TTF2: variants seen among roughly 807,000 people sequenced by gnomAD.
TTF2 encodes transcription termination factor 2.
Under a neutral mutation model 142.4 loss-of-function variants are expected in TTF2, and 108 were observed. The ratio of observed to expected loss-of-function variants is 0.76; its 90% CI spans 0.65 to 0.89. TTF2 has a LOEUF of 0.89. Among genes scored for constraint, TTF2 ranks in the 40% least tolerant of loss-of-function variants. The pLI is 0.00. For missense variants in TTF2, 1,327 were observed against 1,379.8 expected, an observed-to-expected ratio of 0.96 and a Z score of 0.61; for synonymous variants, 483 against 506.2, an observed-to-expected ratio of 0.95 and a Z score of 0.61.
chr1:117,069,299 G>A lies in TTF2; in HGVS notation c.219-4362G>A, dbSNP rs151283325. Among the ~76,000 whole-genome samples, 543 of 152,270 alleles carry A rather than the reference G, an allele frequency of 3.6e-3. 3 individuals carry two copies. Among genetic ancestry groups the A allele is most frequent in the African/African-American group, 0.013 (525 of 41,550 alleles). The stretch of plus-strand genomic sequence containing the variant: ...TGCAGTCTCCTCTGCACATTAGAGC[G>A]CTAAATTGAAGACGTTCAGATGCGA... On this transcript the variant is annotated intron_variant, in intron 3 of 22. Coordinates refer to ENST00000369466, the MANE Select transcript of TTF2 (RefSeq NM_003594.4).
intron 12 of TTF2, among the ~76,000 whole-genome samples, chr1:117,088,493 C>T (rs1190216438): frequency 6.6e-6 from 1 of 151,904 alleles, no homozygotes; most frequent in Non-Finnish European, 1.5e-5. Context: ...GCCGAGATCT[C>T]GCCACTGCAC....
Position 117,105,361 on chromosome 1 carries a change from A to G in TTF2, c.*3837A>G, listed in dbSNP as rs1649863938. On this transcript the variant is annotated 3_prime_UTR_variant, in exon 23 of 23. Transcript: ENST00000369466. The surrounding 1 kb of genome is among the most constrained non-coding windows in gnomAD (Gnocchi z 4.7). ...ACTTTGCCTTAGCCATGTTGATCAA[A>G]TAGGAGTATTGTGCATGCCGCAGCT... The G allele has an allele frequency of 6.6e-6, 1 of 152,222 alleles. No individual in the cohort carries two copies. Among genetic ancestry groups the G allele is most frequent in the Non-Finnish European group, 1.5e-5 (1 of 68,054 alleles). The allele number at this position is 152,222 out of a possible 1,614,324, so 9.4% of individuals were successfully genotyped here.
chr1:117,086,548 G>C lies in TTF2; in HGVS notation c.2160+26G>C. 1.3e-6 allele frequency: 2 copies of C among 1,570,432 alleles called. No homozygotes were observed. Among genetic ancestry groups the C allele is most frequent in the Non-Finnish European group, 1.8e-6 (2 of 1,142,146 alleles). On this transcript the variant is annotated intron_variant, in intron 12 of 22. Coordinates refer to ENST00000369466, the MANE Select transcript of TTF2 (RefSeq NM_003594.4). This position sits in a 1 kb window ranked among gnomAD's most constrained non-coding sequence, Gnocchi z 4.2. ...GTGAGGCTGGGGGGCAGCCAGGGAA[G>C]TGGAGTTGGAGCCACAGATGGTTTA...
At chr1:117,064,871 C>T (rs1440217740) in intron 3 of TTF2, among the ~76,000 whole-genome samples, 1 of 142,064 alleles carries the variant, frequency 7.0e-6, no homozygotes, top group African/African-American at 2.6e-5. Flanking sequence ...TCATATAGGT[C>T]TATTATCTAT....
At chr1:117,089,225 A>G (rs1648324895) in intron 13 of TTF2, among the ~76,000 whole-genome samples, 1 of 148,446 alleles carries the variant, frequency 6.7e-6, no homozygotes, top group South Asian at 2.2e-4. Context: ...GACTTTATAT[A>G]TGCAAAATAT....
chr1:117,060,412 AT>A, intron 1 of TTF2, 38 bp downstream of exon 1: 1 of 1,608,758 alleles, frequency 6.2e-7, no homozygotes, highest in African/African-American at 1.3e-5. Context: ...GGGCCTGTTG[AT>A]TTAGCGTGGC....
Position 117,098,887 on chromosome 1 carries a change from GA to G in TTF2, c.3327del (p.Asp1110MetfsTer13). 2 of 1,612,938 alleles carry G rather than the reference GA, an allele frequency of 1.2e-6. No individual in the cohort carries two copies. Among genetic ancestry groups the G allele is most frequent in the Non-Finnish European group, 1.7e-6 (2 of 1,179,648 alleles). On this transcript the variant is annotated frameshift_variant, in exon 22 of 23. Transcript: ENST00000369466. LOFTEE classifies it high-confidence loss of function. ...ACCGAATTTACCGAGTAGGGCAGCA[GA>G]AAGATGTTGTCATACACAGGTAAGT... ...CDRIYRVGQQ[K>X]DVVIHRFVCE...
chr1:117,088,393 C>G (rs577260889), intron 12 of TTF2, among the ~76,000 whole-genome samples: 1 of 152,052 alleles, frequency 6.6e-6, no homozygotes, highest in African/African-American at 2.4e-5. Context: ...AAAAATTAGC[C>G]GGGTGTGGTG....
chr1:117,086,419 T>G lies in TTF2; in HGVS notation c.2057T>G (p.Leu686Arg). 6.2e-7 allele frequency: 1 copy of G among 1,611,820 alleles called. No individual in the cohort carries two copies. The highest frequency in any genetic ancestry group is 8.5e-7 in the Non-Finnish European group (1 of 1,178,020). The change falls in exon 12 of 23, where the codon CTC (leucine) becomes CGC (arginine). Residue 686 changes from leucine (L) to arginine (R), a missense_variant and splice_region_variant. Coordinates refer to ENST00000369466, the MANE Select transcript of TTF2 (RefSeq NM_003594.4). This position sits in a 1 kb window ranked among gnomAD's most constrained non-coding sequence, Gnocchi z 4.2. ...GPNRDSRARV[L>R]STYDIVITTY... is the part of the protein sequence containing the mutation. ...ATTTCTTTGTTATGTCTACGCAGCC[T>G]CTCTACATATGACATCGTGATCACT...
rs746380473 is a variant in TTF2, at chr1:117,075,345, T to G, written c.761T>G (p.Leu254Arg). 3.7e-6 allele frequency: 6 copies of G among 1,614,212 alleles called. No individual in the cohort carries two copies. The South Asian group carries it at 6.6e-5, about 18-fold the overall frequency. Residue 254 changes from leucine to arginine, a missense_variant, in exon 5 of 23, where the codon CTG (leucine) becomes CGG (arginine). Coordinates refer to ENST00000369466, the MANE Select transcript of TTF2 (RefSeq NM_003594.4). This position sits in a 1 kb window ranked among gnomAD's most constrained non-coding sequence, Gnocchi z 4.5. ...SQDVQRESEP[L>R]REKVTQLLPQ... ...GATGTCCAAAGAGAATCAGAACCTC[T>G]GAGAGAAAAGGTTACCCAGCTTTTG...
intron 3 of TTF2, among the ~76,000 whole-genome samples, chr1:117,065,090 T>C (rs1156600241): frequency 6.6e-6 from 1 of 152,220 alleles, no homozygotes; most frequent in Non-Finnish European, 1.5e-5. Context: ...TGCCTATCTT[T>C]ACATAATTAA....
Position 117,075,304 on chromosome 1 carries a change from A to G in TTF2, c.720A>G (p.Ser240=), listed in dbSNP as rs1363825344. 2 of 1,614,224 alleles carry G rather than the reference A, an allele frequency of 1.2e-6. No homozygotes were observed. The highest frequency in any genetic ancestry group is 2.2e-5 in the East Asian group (1 of 44,886). Residue 240 remains serine, a synonymous_variant, in exon 5 of 23, where the codon TCA becomes TCG. Coordinates refer to ENST00000369466, the MANE Select transcript of TTF2 (RefSeq NM_003594.4). This position sits in a 1 kb window ranked among gnomAD's most constrained non-coding sequence, Gnocchi z 4.5. ...CATCTGCATCTTCTCAGGAGAAATC[A>G]AGTGGTAAGAGTCAAGATGTCCAAA... is the stretch of plus-strand genomic sequence containing the variant. ...TRPSASSQEK[S]SGKSQDVQRE... is the part of the protein sequence containing the mutation.
intron 10 of TTF2, 148 bp downstream of exon 10, chr1:117,082,095 A>C: frequency 8.5e-7 from 1 of 1,177,612 alleles, no homozygotes; most frequent in Non-Finnish European, 1.2e-6. Context: ...CTATCATATC[A>C]TTTCTGATGC....
At chr1:117,078,466 T>C (rs1012580059) in intron 8 of TTF2, among the ~76,000 whole-genome samples, 7 of 152,196 alleles carry the variant, frequency 4.6e-5, no homozygotes, top group African/African-American at 1.7e-4. Context: ...AGGTCAGTGA[T>C]TATTTGTTGT....
chr1:117,068,643 A>T (rs974927720), intron 3 of TTF2, among the ~76,000 whole-genome samples: 1 of 149,898 alleles, frequency 6.7e-6, no homozygotes, highest in African/African-American at 2.4e-5. Context: ...GAAACTTCAC[A>T]TGTCTAGAAA....
chr1:117,083,927 A>C, intron 10 of TTF2, 91 bp from the exon 11 acceptor site: 3 of 1,481,646 alleles, frequency 2.0e-6, no homozygotes, highest in South Asian at 2.5e-5. Context: ...CCTGGGTAAC[A>C]CAGCAAGACC....
rs1649594621 is a variant in TTF2, at chr1:117,101,658, A to G, written c.*134A>G. ...ACCGTCAAGCCTTTCACCTTCCTCA[A>G]AATGAGGCATAATCTTATCCCCAGA... On this transcript the variant is annotated 3_prime_UTR_variant, in exon 23 of 23. Transcript: ENST00000369466. The surrounding 1 kb of genome is among the most constrained non-coding windows in gnomAD (Gnocchi z 5.9). 1.0e-6 allele frequency: 1 copy of G among 986,098 alleles called. No individual in the cohort carries two copies. Among genetic ancestry groups the G allele is most frequent in the African/African-American group, 1.7e-5 (1 of 60,496 alleles). 61.1% of individuals were successfully genotyped at this position (986,098 alleles called of 1,614,324 possible).
intron 13 of TTF2, among the ~76,000 whole-genome samples, chr1:117,089,258 TG>T (rs1557824305): frequency 8.9e-4 from 51 of 57,106 alleles, no homozygotes; most frequent in African/African-American, 2.0e-3. Flanking sequence ...TGCAAATATA[TG>T]CTATATATAT....
rs183918695 is a variant in TTF2 at position 117,086,631 on chromosome 1, G to A, written c.2160+109G>A. On this transcript the variant is annotated intron_variant, in intron 12 of 22. Transcript: ENST00000369466. The surrounding 1 kb of genome is among the most constrained non-coding windows in gnomAD (Gnocchi z 4.2). ...GAGGACCTCCCTGGAGGTCAGGAAT[G>A]CTGTAAATGATCCGCATGTGGAAAG... 5.5e-6 allele frequency: 4 copies of A among 723,554 alleles called. No individual in the cohort carries two copies. Among genetic ancestry groups the A allele is most frequent in the African/African-American group, 1.8e-5 (1 of 56,824 alleles). The allele number at this position is 723,554 out of a possible 1,614,324, so 44.8% of individuals were successfully genotyped here.
Sources: gnomAD v4.1 joint callset for allele counts (sites outside exome capture counted in the v4.1 genomes callset) on GRCh38, gnomAD v4.1.1 for gene constraint, Gnocchi (gnomAD v3.1) non-coding constraint, MANE v1.5 for transcripts, NCBI Gene and HGNC (gene_info 2026-07-23, HGNC 2026-07-21) for gene names.